RAB11A: variants seen among roughly 807,000 people sequenced by gnomAD.
The protein encoded by RAB11A is ras-related protein Rab-11A.
RAB11A carries 9 observed loss-of-function variants against 28.0 expected under a neutral mutation model. The observed-to-expected ratio is 0.32, with a 90% CI of 0.19 to 0.56. RAB11A has a LOEUF of 0.56. RAB11A is among the 20% of genes least tolerant of loss of function. RAB11A has a pLI of 0.91. For missense variants in RAB11A, 108 were observed against 269.6 expected (o/e 0.40, Z 4.20); for synonymous variants, 85 against 88.2 (o/e 0.96, Z 0.20).
chr15:65,885,830 G>C (rs187281693), intron 4 of RAB11A, among the ~76,000 whole-genome samples: 8 of 152,342 alleles, frequency 5.3e-5, no homozygotes, highest in Admixed American at 4.6e-4. Flanking sequence ...GGGAGAACCA[G>C]AGAGATGACC....
rs568606205 is a variant in RAB11A, at chr15:65,891,483, G to A, written c.*3643G>A. ...AGAGCACTGGACTGAGTAACGAAGA[G>A]ATTCTAGTCATGGCTCTTGTGGTCA... On this transcript the variant is annotated 3_prime_UTR_variant, in exon 5 of 5. Transcript: ENST00000261890. 2 of 152,212 alleles carry A rather than the reference G, an allele frequency of 1.3e-5. No individual in the cohort carries two copies. The highest frequency in any genetic ancestry group is 2.9e-5 in the Non-Finnish European group (2 of 68,048). 9.4% of individuals were successfully genotyped at this position (152,212 alleles called of 1,614,324 possible). A position where few individuals can be genotyped will look rare whatever the true frequency, so the allele number is the denominator to read the frequency against.
intron 4 of RAB11A, among the ~76,000 whole-genome samples, chr15:65,882,046 G>A (rs1036959159): frequency 2.6e-5 from 4 of 151,908 alleles, no homozygotes; most frequent in African/African-American, 9.7e-5. Flanking sequence ...GTGAGATCCT[G>A]TCTCAAAAAG....
At chr15:65,878,406 G>A (rs749773457) in intron 3 of RAB11A, among the ~76,000 whole-genome samples, 4 of 152,208 alleles carry the variant, frequency 2.6e-5, no homozygotes, top group Non-Finnish European at 5.9e-5. Context: ...TCTTGCGGCC[G>A]GGCGTGGTGG....
At chr15:65,870,414 T>G (rs2078152546) in intron 1 of RAB11A, among the ~76,000 whole-genome samples, 1 of 152,212 alleles carries the variant, frequency 6.6e-6, no homozygotes, top group African/African-American at 2.4e-5. Flanking sequence ...CTCGCGCACT[T>G]GTCGCAGTGA....
At position 65,887,912 on chromosome 15, in the gene RAB11A, A is replaced by G; in HGVS notation, c.*72A>G. 1 of 1,367,564 alleles carries G rather than the reference A, an allele frequency of 7.3e-7. No homozygotes were observed. The highest frequency in any genetic ancestry group is 2.7e-5 in the East Asian group (1 of 37,056). The allele number at this position is 1,367,564 out of a possible 1,614,324, so 84.7% of individuals were successfully genotyped here. ...GGTCTGAGATTTAAATATATTTGTA[A>G]TTCTTGTGTCACTTTTGTGTTTTAT... On this transcript the variant is annotated 3_prime_UTR_variant, in exon 5 of 5. Transcript: ENST00000261890.
At chr15:65,870,982 T>C (rs1328897302) in intron 1 of RAB11A, among the ~76,000 whole-genome samples, 1 of 152,192 alleles carries the variant, frequency 6.6e-6, no homozygotes, top group Non-Finnish European at 1.5e-5. Flanking sequence ...TCTCTGCTCC[T>C]GAATTGGGAA....
intron 3 of RAB11A, 101 bp downstream of exon 3, chr15:65,878,056 C>A: frequency 8.6e-7 from 1 of 1,163,344 alleles, no homozygotes; most frequent in Non-Finnish European, 1.3e-6. Context: ...GAGAGGTAAA[C>A]ATGAATGCTT....
At chr15:65,869,675 G>C (rs745649733) in intron 1 of RAB11A, 50 bp downstream of exon 1, 1 of 1,574,370 alleles carries the variant, frequency 6.4e-7, no homozygotes, top group Non-Finnish European at 8.7e-7. Flanking sequence ...CGGGGACCCG[G>C]GCCACTCCCG....
chr15:65,871,685 G>A (rs1386549904), intron 1 of RAB11A, among the ~76,000 whole-genome samples: 3 of 152,096 alleles, frequency 2.0e-5, no homozygotes, highest in African/African-American at 7.2e-5. Flanking sequence ...ACAATTGAGA[G>A]CACTGAGCTT....
chr15:65,872,037 A>T (rs1437122023), intron 1 of RAB11A, among the ~76,000 whole-genome samples: 1 of 142,198 alleles, frequency 7.0e-6, no homozygotes, highest in Non-Finnish European at 1.5e-5. Context: ...GGCTCAGGTG[A>T]CCCCCCGACC....
At chr15:65,872,687 GC>G (rs1339384237) in intron 1 of RAB11A, among the ~76,000 whole-genome samples, 2 of 152,028 alleles carry the variant, frequency 1.3e-5, no homozygotes, top group African/African-American at 4.8e-5. Flanking sequence ...GCCCGCCTGG[GC>G]CTCCCAAAGT....
intron 4 of RAB11A, among the ~76,000 whole-genome samples, chr15:65,880,399 G>C (rs925241000): frequency 1.3e-5 from 2 of 152,146 alleles, no homozygotes; most frequent in African/African-American, 4.8e-5. Flanking sequence ...AGATTTATTA[G>C]TAAGATTAGT....
rs570944684 is a variant in RAB11A at position 65,873,719 on chromosome 15, AT to A, written c.41-3600del. On this transcript the variant is annotated intron_variant, in intron 1 of 4. Coordinates refer to ENST00000261890, the MANE Select transcript of RAB11A (RefSeq NM_004663.5). Reference sequence around the variant, plus strand: ...CAAATGTGCTCCACCATGCCTGGCTATTTTTTTTTTTTTAAGACTATCCCAC... The same window carrying A: ...CAAATGTGCTCCACCATGCCTGGCTATTTTTTTTTTTTAAGACTATCCCAC... Among the ~76,000 whole-genome samples, 1,296 of 142,358 alleles carry A rather than the reference AT, an allele frequency of 9.1e-3. 13 individuals carry two copies. The highest frequency in any genetic ancestry group is 0.027 in the African/African-American group (1,074 of 39,084). The allele number at this position is 142,358 out of a possible 152,430, so 93.4% of individuals were successfully genotyped here. A position where few individuals can be genotyped will look rare whatever the true frequency, so the allele number is the denominator to read the frequency against.
At position 65,891,923 on chromosome 15, in the gene RAB11A, A is replaced by G. The variant is rs1955106978; in HGVS notation, c.*4083A>G. On this transcript the variant is annotated 3_prime_UTR_variant, in exon 5 of 5. Coordinates refer to ENST00000261890, the MANE Select transcript of RAB11A (RefSeq NM_004663.5). The stretch of plus-strand genomic sequence containing the variant: ...CTTGTTTTATGGCTTTTGCTGTTAA[A>G]AAAAAACTGCTGGCTTTTAATATGT... The G allele has an allele frequency of 6.6e-6, 1 of 152,218 alleles. No homozygotes were observed. The highest frequency in any genetic ancestry group is 6.5e-5 in the Admixed American group (1 of 15,280). The allele number at this position is 152,218 out of a possible 1,614,324, so 9.4% of individuals were successfully genotyped here. A position where few individuals can be genotyped will look rare whatever the true frequency, so the allele number is the denominator to read the frequency against.
chr15:65,872,797 T>G (rs2078170980), intron 1 of RAB11A, among the ~76,000 whole-genome samples: 1 of 152,188 alleles, frequency 6.6e-6, no homozygotes, highest in Non-Finnish European at 1.5e-5. Context: ...TTTTTTAACT[T>G]CAATGCTGAT....
intron 4 of RAB11A, among the ~76,000 whole-genome samples, chr15:65,882,991 C>T (rs962809025): frequency 2.0e-5 from 3 of 152,162 alleles, no homozygotes; most frequent in Non-Finnish European, 2.9e-5. Flanking sequence ...TCTTTCTCTT[C>T]GCTCTAAATA....
rs2078197968 is a variant in RAB11A, at chr15:65,877,660, TTATAAG to T, written c.237-98_237-93del. On this transcript the variant is annotated intron_variant, in intron 2 of 4. Coordinates refer to ENST00000261890, the MANE Select transcript of RAB11A (RefSeq NM_004663.5). The surrounding 1 kb of genome is among the most constrained non-coding windows in gnomAD (Gnocchi z 4.1). ...GTATTAGGAATCCTTAGAAATTTAT[TTATAAG>T]TATGTTTTTAAAACTCATGATCCAT... 3 of 1,336,560 alleles carry T rather than the reference TTATAAG, an allele frequency of 2.2e-6. No individual in the cohort carries two copies. Among genetic ancestry groups the T allele is most frequent in the African/African-American group, 1.5e-5 (1 of 66,906 alleles). 82.8% of individuals were successfully genotyped at this position (1,336,560 alleles called of 1,614,324 possible). A position where few individuals can be genotyped will look rare whatever the true frequency, so the allele number is the denominator to read the frequency against.
Position 65,888,609 on chromosome 15 carries a change from T to A in RAB11A, c.*769T>A, listed in dbSNP as rs759226895. 1.3e-5 allele frequency: 2 copies of A among 152,342 alleles called. No homozygotes were observed. Among genetic ancestry groups the A allele is most frequent in the Non-Finnish European group, 2.9e-5 (2 of 68,016 alleles). The allele number at this position is 152,342 out of a possible 1,614,324, so 9.4% of individuals were successfully genotyped here. A position where few individuals can be genotyped will look rare whatever the true frequency, so the allele number is the denominator to read the frequency against. On this transcript the variant is annotated 3_prime_UTR_variant, in exon 5 of 5. Coordinates refer to ENST00000261890, the MANE Select transcript of RAB11A (RefSeq NM_004663.5). ...GCAATGATCAGGCAGCCCAAAAGATTTAAATGATCTATAATAATTTCCAAG... is the reference window on the plus strand; with the variant it reads ...GCAATGATCAGGCAGCCCAAAAGATATAAATGATCTATAATAATTTCCAAG...
At chr15:65,869,664 T>A (rs1317890601) in intron 1 of RAB11A, 39 bp downstream of exon 1, 1 of 1,591,862 alleles carries the variant, frequency 6.3e-7, no homozygotes, top group African/African-American at 1.3e-5. Context: ...CAGTCCTCGT[T>A]CGGGGACCCG....
Sources: gnomAD v4.1 joint callset for allele counts (sites outside exome capture counted in the v4.1 genomes callset) on GRCh38, gnomAD v4.1.1 for gene constraint, Gnocchi (gnomAD v3.1) non-coding constraint, MANE v1.5 for transcripts, NCBI Gene and HGNC (gene_info 2026-07-23, HGNC 2026-07-21) for gene names.